ROBO2: variants seen among roughly 807,000 people sequenced by gnomAD.
The protein encoded by ROBO2 is roundabout guidance receptor 2, also known as roundabout homolog 2.
Under a neutral mutation model 160.8 loss-of-function variants are expected in ROBO2, and 53 were observed. The observed-to-expected ratio is 0.33, with a 90% CI of 0.26 to 0.41. ROBO2 has a LOEUF of 0.41. ROBO2 is among the 10% of genes least tolerant of loss of function. The pLI, the probability that ROBO2 is intolerant of heterozygous loss-of-function variation, is 1.00. For synonymous variants in ROBO2, 664 were observed against 611.7 expected (o/e 1.09, Z -1.26); for missense variants, 1,577 against 1,722.4 (o/e 0.92, Z 1.49).
At chr3:76,022,479 G>A (rs1336140136) in intron 2 of ROBO2, among the ~76,000 whole-genome samples, 1 of 151,770 alleles carries the variant, frequency 6.6e-6, no homozygotes, top group Non-Finnish European at 1.5e-5. Flanking sequence ...CTTGAAAGTT[G>A]AAATTACTCC....
At chr3:76,562,206 T>G (rs1404636278) in intron 2 of ROBO2, among the ~76,000 whole-genome samples, 1 of 151,692 alleles carries the variant, frequency 6.6e-6, no homozygotes, top group African/African-American at 2.4e-5. Flanking sequence ...CTCTGAGGCT[T>G]AGTTTCTCCA....
chr3:76,997,235 T>C (rs2061068591), intron 2 of ROBO2, among the ~76,000 whole-genome samples: 1 of 152,222 alleles, frequency 6.6e-6, no homozygotes, highest in African/African-American at 2.4e-5. Flanking sequence ...TCAATACTTT[T>C]TATATATGTG....
chr3:75,987,031 A>G (rs1322277869), intron 2 of ROBO2, among the ~76,000 whole-genome samples: 1 of 151,642 alleles, frequency 6.6e-6, no homozygotes, highest in Non-Finnish European at 1.5e-5. Context: ...TTCTTTTTCA[A>G]GATTGTTTTG....
Position 77,249,486 on chromosome 3 carries a change from T to C in ROBO2, c.388+151146T>C, listed in dbSNP as rs186900335. On this transcript the variant is annotated intron_variant, in intron 2 of 25. Transcript: ENST00000461745. ...AAAGGCAGCTGGACTTAACATAGCA[T>C]CTCACGGCACCTTTAAGAGGTCCTT... Among the ~76,000 whole-genome samples, 8 of 152,290 alleles carry C rather than the reference T, an allele frequency of 5.3e-5. No homozygotes were observed. The East Asian group carries it at 1.5e-3, about 29-fold the overall frequency.
At chr3:77,290,208 C>G (rs2061026434) in intron 2 of ROBO2, among the ~76,000 whole-genome samples, 1 of 148,436 alleles carries the variant, frequency 6.7e-6, no homozygotes, top group Non-Finnish European at 1.5e-5. Context: ...AACGGGTAAT[C>G]TGAGGCTAGA....
At chr3:76,743,725 T>C (rs1175310491) in intron 2 of ROBO2, among the ~76,000 whole-genome samples, 1 of 152,036 alleles carries the variant, frequency 6.6e-6, no homozygotes, top group Non-Finnish European at 1.5e-5. Context: ...CCTTTTTTTC[T>C]CTTATACTAT....
intron 2 of ROBO2, among the ~76,000 whole-genome samples, chr3:76,002,847 T>C (rs1216255425): frequency 6.6e-6 from 1 of 152,126 alleles, no homozygotes; most frequent in Non-Finnish European, 1.5e-5. Context: ...TTCAACATCA[T>C]GATTTTAGAC....
rs145307772 is a variant in ROBO2, at chr3:76,337,727, T to C, written c.109+400125T>C. Reference sequence around the variant, plus strand: ...ACTTATTTCTTTATGCGCAATGATATTCTGAGTAGTTTCAATTCAATTGTT... The same window carrying C: ...ACTTATTTCTTTATGCGCAATGATACTCTGAGTAGTTTCAATTCAATTGTT... On this transcript the variant is annotated intron_variant, in intron 2 of 26. Transcript: ENST00000487694. 1.2e-3 allele frequency among the ~76,000 whole-genome samples: 188 copies of C among 152,284 alleles called. No individual in the cohort carries two copies. The East Asian group carries it at 0.02, about 16-fold the overall frequency.
chr3:76,904,910 T>G (rs2075487795), intron 2 of ROBO2, among the ~76,000 whole-genome samples: 1 of 150,880 alleles, frequency 6.6e-6, no homozygotes, highest in African/African-American at 2.4e-5. Context: ...TACTTCTTCT[T>G]CTTTTCTCCA....
intron 2 of ROBO2, among the ~76,000 whole-genome samples, chr3:77,298,184 A>G (rs2062325448): frequency 6.6e-6 from 1 of 152,198 alleles, no homozygotes; most frequent in Non-Finnish European, 1.5e-5. Context: ...GCATGAATTG[A>G]ATAATATTCA....
intron 2 of ROBO2, among the ~76,000 whole-genome samples, chr3:76,364,041 T>G (rs1002508170): frequency 3.3e-5 from 5 of 152,030 alleles, no homozygotes; most frequent in Admixed American, 1.3e-4. Context: ...AATTCAAATT[T>G]TCATCCCTGC....
intron 2 of ROBO2, among the ~76,000 whole-genome samples, chr3:76,593,349 A>G (rs1455533099): frequency 1.3e-5 from 2 of 152,034 alleles, no homozygotes; most frequent in Non-Finnish European, 2.9e-5. Context: ...AAATATTCCA[A>G]GCATGCCTAA....
rs778244399 is a variant in ROBO2, at chr3:77,522,762, A to G, written c.807-13A>G. The G allele has an allele frequency of 2.4e-5, 38 of 1,607,108 alleles. No homozygotes were observed. Among genetic ancestry groups the G allele is most frequent in the Admixed American group, 3.4e-5 (2 of 59,650 alleles). On this transcript the variant is annotated splice_polypyrimidine_tract_variant and intron_variant, in intron 5 of 25. Transcript: ENST00000461745. ...TACTACTATTTAATAAAACCAGTTC[A>G]TTTTCTACACAGGTATGACATCAAA...
intron 2 of ROBO2, among the ~76,000 whole-genome samples, chr3:76,579,684 T>C (rs1324810144): frequency 1.3e-5 from 2 of 150,294 alleles, no homozygotes; most frequent in African/African-American, 4.9e-5. Flanking sequence ...TAAGACCAGA[T>C]GGAGGTCAGC....
rs376646273 is a variant in ROBO2, at chr3:75,956,696, G to A, written c.109+19094G>A. 1.6e-4 allele frequency among the ~76,000 whole-genome samples: 24 copies of A among 151,778 alleles called. No individual in the cohort carries two copies. The East Asian group carries it at 4.7e-3, about 30-fold the overall frequency. On this transcript the variant is annotated intron_variant, in intron 2 of 26. Coordinates refer to the ROBO2 transcript ENST00000487694. ...TTCTTCACATTTCCTCCAGTAAAAT[G>A]TAAAGTGACCAAAATGTAAGTGTCA...
chr3:76,217,592 A>G (rs888187679), intron 2 of ROBO2, among the ~76,000 whole-genome samples: 81 of 152,132 alleles, frequency 5.3e-4, no homozygotes, highest in African/African-American at 1.9e-3. Context: ...CGAAACATAC[A>G]CTCTCCCAAG....
At chr3:76,936,494 C>G (rs1201653808) in intron 2 of ROBO2, among the ~76,000 whole-genome samples, 2 of 151,968 alleles carry the variant, frequency 1.3e-5, no homozygotes, top group East Asian at 1.9e-4. Flanking sequence ...TAAGGGTGGA[C>G]AGCGTTGCTC....
chr3:76,703,307 G>C (rs2093086111), intron 2 of ROBO2, among the ~76,000 whole-genome samples: 1 of 152,044 alleles, frequency 6.6e-6, no homozygotes, highest in Admixed American at 6.6e-5. Context: ...TAAATGAAGA[G>C]GGATTTTCAG....
At chr3:76,023,237 T>C (rs2066627974) in intron 2 of ROBO2, among the ~76,000 whole-genome samples, 1 of 151,750 alleles carries the variant, frequency 6.6e-6, no homozygotes, top group Admixed American at 6.6e-5. Context: ...TTATCGTTCA[T>C]TTGTTCACTG....
Sources: gnomAD v4.1 joint callset for allele counts (sites outside exome capture counted in the v4.1 genomes callset) on GRCh38, gnomAD v4.1.1 for gene constraint, MANE v1.5 for transcripts, NCBI Gene and HGNC (gene_info 2026-07-23, HGNC 2026-07-21) for gene names.